Variants in AFF1 observed in about 807,000 individuals in gnomAD.
The protein encoded by AFF1 is AF4/FMR2 family member 1.
AFF1 carries 48 observed loss-of-function variants against 121.7 expected under a neutral mutation model. The observed-to-expected ratio is 0.39, with a 90% CI of 0.31 to 0.50. The LOEUF (loss-of-function observed/expected upper bound fraction) is 0.50, where lower values mean the gene tolerates loss of function less well. AFF1 is among the 20% of genes least tolerant of loss of function. The pLI is 0.76. For missense variants in AFF1, 1,523 were observed against 1,511.7 expected (o/e 1.01, Z -0.12); for synonymous variants, 613 against 563.0 (o/e 1.09, Z -1.26).
intron 4 of AFF1, among the ~76,000 whole-genome samples, chr4:87,058,918 A>C (rs55982755): frequency 0.22 from 32,983 of 151,782 alleles, 3,731 homozygotes; most frequent in East Asian, 0.37. Flanking sequence ...AATGCTCTTT[A>C]AGGCCTTATC....
At chr4:87,115,906 G>A (rs187835490) in intron 12 of AFF1, among the ~76,000 whole-genome samples, 4 of 152,074 alleles carry the variant, frequency 2.6e-5, no homozygotes, top group South Asian at 2.1e-4. Flanking sequence ...CCTAAGACAC[G>A]ATGCCCAGCC....
At chr4:87,053,074 G>A (rs1223934719) in intron 4 of AFF1, among the ~76,000 whole-genome samples, 1 of 152,124 alleles carries the variant, frequency 6.6e-6, no homozygotes, top group Non-Finnish European at 1.5e-5. Context: ...CTAACTCTGG[G>A]AAAATGTCAG....
intron 2 of AFF1, among the ~76,000 whole-genome samples, chr4:87,022,575 T>TAC (rs1334931504): frequency 4.5e-5 from 4 of 88,234 alleles, no homozygotes; most frequent in Admixed American, 1.2e-4. Context: ...TATATATATA[T>TAC]ATATATATCT....
chr4:87,093,408 G>A (rs1393953438), intron 7 of AFF1, among the ~76,000 whole-genome samples: 1 of 152,192 alleles, frequency 6.6e-6, no homozygotes, highest in Non-Finnish European at 1.5e-5. Context: ...TTTCAGTGAA[G>A]AGAAGACAAA....
chr4:87,040,564 C>CT (rs368321249), intron 2 of AFF1, among the ~76,000 whole-genome samples: 32,068 of 142,378 alleles, frequency 0.23, 3,565 homozygotes, highest in East Asian at 0.34. Flanking sequence ...TCCCCTCACC[C>CT]TTTTTTTTTT....
At chr4:87,122,878 T>C (rs951373240) in intron 12 of AFF1, among the ~76,000 whole-genome samples, 14 of 46,944 alleles carry the variant, frequency 3.0e-4, no homozygotes, top group Non-Finnish European at 5.2e-4. Flanking sequence ...AATGGAAAAT[T>C]AGTAAAAAAA....
chr4:87,106,117 TCACGCCTGTAATCCC>T lies in AFF1; in HGVS notation c.1376+273_1376+287del, dbSNP rs1725887455. ...GAGTTTACAGGCTGGGCGTGCTAGC[TCACGCCTGTAATCCC>T]AGCACTTTGGGAGGCTGAGGTGGGC... On this transcript the variant is annotated intron_variant, in intron 10 of 20. Coordinates refer to ENST00000395146, the MANE Select transcript of AFF1 (RefSeq NM_001166693.3). 3.3e-5 allele frequency among the ~76,000 whole-genome samples: 5 copies of T among 152,308 alleles called. No homozygotes were observed. The South Asian group carries it at 1.0e-3, about 32-fold the overall frequency.
chr4:87,115,625 T>TTTTTTTTTTTTTTTTTTTC lies in AFF1; in HGVS notation c.2466+326_2466+327insTTTTTTTTTTTTTTTTTTC, dbSNP rs397994396. 3.3e-4 allele frequency among the ~76,000 whole-genome samples: 34 copies of TTTTTTTTTTTTTTTTTTTC among 103,024 alleles called. 3 individuals carry two copies. The highest frequency in any genetic ancestry group is 4.9e-4 in the Non-Finnish European group (25 of 50,938). 67.6% of individuals were successfully genotyped at this position (103,024 alleles called of 152,430 possible). ...AACCCACCTCTTTTTTTTTTTTTTT[T>TTTTTTTTTTTTTTTTTTTC]CCAAAGACAGGCCCTTGCTCTGTTG... On this transcript the variant is annotated intron_variant, in intron 12 of 20. Coordinates refer to ENST00000395146, the MANE Select transcript of AFF1 (RefSeq NM_001166693.3).
At chr4:87,125,942 A>G (rs951885362) in intron 13 of AFF1, among the ~76,000 whole-genome samples, 157 bp from the exon 14 acceptor site, 2 of 152,140 alleles carry the variant, frequency 1.3e-5, no homozygotes, top group African/African-American at 4.8e-5. Context: ...AGATTTTTGA[A>G]ATGCCTCAAA....
At chr4:87,060,023 A>G (rs938218319) in intron 4 of AFF1, among the ~76,000 whole-genome samples, 1 of 152,240 alleles carries the variant, frequency 6.6e-6, no homozygotes, top group African/African-American at 2.4e-5. Flanking sequence ...TTGGCTTAAC[A>G]GAGGGGTGAA....
At chr4:86,951,623 C>CTTTTTTTTTTTT (rs1285365564) in intron 2 of AFF1, among the ~76,000 whole-genome samples, 2 of 69,418 alleles carry the variant, frequency 2.9e-5, no homozygotes, top group African/African-American at 9.2e-5. Context: ...TTCTTTTTTT[C>CTTTTTTTTTTTT]TTTTTTTTTT....
At chr4:86,949,544 T>TTTTTA in intron 2 of AFF1, 1 of 251,842 alleles carries the variant, frequency 4.0e-6, no homozygotes, top group Non-Finnish European at 6.6e-6. Flanking sequence ...ATTATTTTTT[T>TTTTTA]TTTTTTTTTT....
At chr4:86,985,770 AAAT>A (rs1232231560) in intron 2 of AFF1, among the ~76,000 whole-genome samples, 2 of 152,138 alleles carry the variant, frequency 1.3e-5, no homozygotes, top group African/African-American at 2.4e-5. Flanking sequence ...ATAATTAAAA[AAAT>A]AATAATAAAA....
chr4:87,117,851 C>A (rs1374072006), intron 12 of AFF1, among the ~76,000 whole-genome samples: 1 of 151,896 alleles, frequency 6.6e-6, no homozygotes, highest in Non-Finnish European at 1.5e-5. Flanking sequence ...CAGGTTGTCC[C>A]CCCTTCCTCA....
intron 12 of AFF1, among the ~76,000 whole-genome samples, chr4:87,119,160 A>T (rs1171539497): frequency 6.6e-6 from 1 of 152,134 alleles, no homozygotes; most frequent in African/African-American, 2.4e-5. Context: ...TGCCTGGCCT[A>T]TGTTTTCTTC....
chr4:86,986,807 CAAGT>C (rs1724320095), intron 2 of AFF1, among the ~76,000 whole-genome samples: 2 of 151,938 alleles, frequency 1.3e-5, no homozygotes, highest in African/African-American at 4.8e-5. Context: ...ACATTAATAT[CAAGT>C]AATAAACATT....
chr4:87,063,377 A>T (rs114038658), intron 4 of AFF1, among the ~76,000 whole-genome samples: 2,339 of 151,540 alleles, frequency 0.015, 66 homozygotes, highest in African/African-American at 0.054. Context: ...AGTAGCTGGG[A>T]TAATAAGCAT....
Position 87,007,186 on chromosome 4 carries a change from G to T in AFF1, c.39-38980G>T, listed in dbSNP as rs554230591. ...TGCAGATCGCCGCAGAGGCCCCAGT[G>T]CCCGGATGTCCATCAGGATTAGCGC... is the stretch of plus-strand genomic sequence containing the variant. On this transcript the variant is annotated intron_variant, in intron 2 of 20. Transcript: ENST00000395146. 21 of 1,382,340 alleles carry T rather than the reference G, an allele frequency of 1.5e-5. No homozygotes were observed. In the African/African-American group the frequency reaches 3.2e-4, roughly 21 times the overall value. The allele number at this position is 1,382,340 out of a possible 1,614,324, so 85.6% of individuals were successfully genotyped here. A position where few individuals can be genotyped will look rare whatever the true frequency, so the allele number is the denominator to read the frequency against.
At chr4:87,068,277 A>C (rs1401045663) in intron 4 of AFF1, among the ~76,000 whole-genome samples, 1 of 119,068 alleles carries the variant, frequency 8.4e-6, no homozygotes, top group Admixed American at 8.9e-5. Context: ...CACTCCATGA[A>C]TAAATTGCCT....
Sources: gnomAD v4.1 joint callset for allele counts (sites outside exome capture counted in the v4.1 genomes callset) on GRCh38, gnomAD v4.1.1 for gene constraint, MANE v1.5 for transcripts, NCBI Gene and HGNC (gene_info 2026-07-23, HGNC 2026-07-21) for gene names.